GPC5: variants seen among roughly 807,000 people sequenced by gnomAD.
GPC5 encodes glypican 5, also known as glypican-5.
A neutral mutation model predicts 53.9 loss-of-function variants in GPC5; 47 were observed. The observed-to-expected ratio is 0.87, with a 90% CI of 0.69 to 1.11. GPC5 has a LOEUF of 1.11. Ranked by LOEUF, GPC5 falls within the 50% of genes most tolerant of loss-of-function variation. The pLI is 0.00. For synonymous variants in GPC5, 286 were observed against 263.3 expected (o/e 1.09, Z -0.84); for missense variants, 748 against 713.1 (o/e 1.05, Z -0.56).
At position 91,876,855 on chromosome 13, in the gene GPC5, A is replaced by T. The variant is rs1459625295; in HGVS notation, c.1281-31082A>T. On this transcript the variant is annotated intron_variant, in intron 5 of 7. Coordinates refer to ENST00000377067, the MANE Select transcript of GPC5 (RefSeq NM_004466.6). ...CAGCAGCCCCTCCCATCACAGGCCCAGAAGGCCCCAGAGGAAAAAGTAGTT... is the reference window on the plus strand; with the variant it reads ...CAGCAGCCCCTCCCATCACAGGCCCTGAAGGCCCCAGAGGAAAAAGTAGTT... 3.3e-5 allele frequency among the ~76,000 whole-genome samples: 5 copies of T among 152,316 alleles called. No homozygotes were observed. In the Middle Eastern group the frequency reaches 0.014, roughly 414 times the overall value.
intron 7 of GPC5, among the ~76,000 whole-genome samples, chr13:92,774,290 A>G (rs1254045085): frequency 6.6e-6 from 1 of 152,218 alleles, no homozygotes; most frequent in African/African-American, 2.4e-5. Flanking sequence ...CACCTGTTAT[A>G]AGCATCTCAT....
At chr13:91,678,118 A>G (rs2035425060) in intron 2 of GPC5, among the ~76,000 whole-genome samples, 1 of 152,228 alleles carries the variant, frequency 6.6e-6, no homozygotes, top group Non-Finnish European at 1.5e-5. Flanking sequence ...GTCAAAGTAG[A>G]AACAGTATAT....
At chr13:92,621,602 C>T (rs954722787) in intron 7 of GPC5, among the ~76,000 whole-genome samples, 1 of 152,020 alleles carries the variant, frequency 6.6e-6, no homozygotes, top group African/African-American at 2.4e-5. Flanking sequence ...GGGGGATCAC[C>T]TGTGGTCAAG....
rs71202561 is a variant in GPC5 at position 92,777,335 on chromosome 13, C to CAAAA, written c.1562-88932_1562-88929dup. 6.2e-3 allele frequency among the ~76,000 whole-genome samples: 392 copies of CAAAA among 63,392 alleles called. 10 individuals are homozygous for CAAAA. Among genetic ancestry groups the CAAAA allele is most frequent in the African/African-American group, 0.02 (314 of 15,664 alleles). The allele number at this position is 63,392 out of a possible 152,430, so 41.6% of individuals were successfully genotyped here. A position where few individuals can be genotyped will look rare whatever the true frequency, so the allele number is the denominator to read the frequency against. ...TGGGCAATAGAGGGAGACTCCATCT[C>CAAAA]AAAAAAAAAAAAAAAAAAGCCAGGC... On this transcript the variant is annotated intron_variant, in intron 7 of 7. Coordinates refer to ENST00000377067, the MANE Select transcript of GPC5 (RefSeq NM_004466.6).
At chr13:91,643,051 T>G (rs1363065161) in intron 2 of GPC5, among the ~76,000 whole-genome samples, 2 of 152,100 alleles carry the variant, frequency 1.3e-5, no homozygotes, top group Non-Finnish European at 2.9e-5. Flanking sequence ...TCTTATGGTG[T>G]TCGGTTATTT....
At chr13:91,639,594 A>AT (rs1305520738) in intron 2 of GPC5, among the ~76,000 whole-genome samples, 2 of 152,030 alleles carry the variant, frequency 1.3e-5, no homozygotes, top group Non-Finnish European at 2.9e-5. Flanking sequence ...TCCTTCACGG[A>AT]TTTTTTTCTA....
intron 6 of GPC5, among the ~76,000 whole-genome samples, chr13:91,973,706 G>T (rs2040267483): frequency 6.6e-6 from 1 of 152,172 alleles, no homozygotes; most frequent in African/African-American, 2.4e-5. Context: ...TCAGCTGCAG[G>T]TCTGTTGGAG....
intron 5 of GPC5, among the ~76,000 whole-genome samples, chr13:91,817,360 A>G (rs1172383195): frequency 2.0e-5 from 3 of 152,210 alleles, no homozygotes; most frequent in Admixed American, 6.6e-5. Flanking sequence ...ATCTTTTGGA[A>G]TCCTTCCTTA....
intron 2 of GPC5, among the ~76,000 whole-genome samples, chr13:91,523,681 A>G (rs934039267): frequency 6.6e-5 from 10 of 152,208 alleles, no homozygotes; most frequent in Non-Finnish European, 1.3e-4. Context: ...ACTACATTGT[A>G]TACTTGACAT....
chr13:91,422,271 T>G (rs11069997), intron 1 of GPC5, among the ~76,000 whole-genome samples: 79,090 of 152,048 alleles, frequency 0.52, 20,887 homozygotes, highest in East Asian at 0.72. Context: ...AGTATTTTAC[T>G]CTTAAATATA....
At chr13:91,810,149 C>T (rs1505564) in intron 5 of GPC5, among the ~76,000 whole-genome samples, 49,549 of 151,612 alleles carry the variant, frequency 0.33, 9,531 homozygotes, top group East Asian at 0.64. Flanking sequence ...TTAATTAGTG[C>T]GATATCAGAA....
chr13:92,390,880 A>G (rs993235335), intron 7 of GPC5, among the ~76,000 whole-genome samples: 1 of 152,146 alleles, frequency 6.6e-6, no homozygotes, highest in Non-Finnish European at 1.5e-5. Context: ...CCTGGCATAT[A>G]TTTAGGGCTT....
intron 5 of GPC5, among the ~76,000 whole-genome samples, chr13:91,805,961 G>A (rs934443087): frequency 5.0e-5 from 7 of 141,400 alleles, no homozygotes; most frequent in Non-Finnish European, 1.1e-4. Flanking sequence ...ATGTGGAAAA[G>A]TTTCTACTGA....
intron 7 of GPC5, among the ~76,000 whole-genome samples, chr13:92,195,635 C>T (rs2042251675): frequency 6.6e-6 from 1 of 152,148 alleles, no homozygotes; most frequent in Admixed American, 6.6e-5. Context: ...GAATAAACCA[C>T]TGATTTAGAA....
intron 7 of GPC5, among the ~76,000 whole-genome samples, chr13:92,418,294 G>A (rs1010151973): frequency 2.0e-5 from 3 of 152,098 alleles, no homozygotes; most frequent in Non-Finnish European, 4.4e-5. Context: ...CTTCAATTGT[G>A]AGAATTATAT....
chr13:91,445,883 A>G (rs1183047112), intron 1 of GPC5, among the ~76,000 whole-genome samples: 1 of 152,174 alleles, frequency 6.6e-6, no homozygotes, highest in Non-Finnish European at 1.5e-5. Context: ...ATGGGGAGCT[A>G]CTGTATTCTC....
intron 7 of GPC5, among the ~76,000 whole-genome samples, chr13:92,336,690 T>A (rs2043325870): frequency 6.6e-6 from 1 of 152,182 alleles, no homozygotes; most frequent in South Asian, 2.1e-4. Context: ...TAATGGTATA[T>A]AGTGATGAAA....
Position 92,045,175 on chromosome 13 carries a change from G to C in GPC5, c.1402-99655G>C, listed in dbSNP as rs141318167. Among the ~76,000 whole-genome samples, 942 of 152,212 alleles carry C rather than the reference G, an allele frequency of 6.2e-3. 6 individuals carry two copies. Among genetic ancestry groups the C allele is most frequent in the Non-Finnish European group, 0.01 (713 of 68,000 alleles). On this transcript the variant is annotated intron_variant, in intron 6 of 7. Transcript: ENST00000377067. The stretch of plus-strand genomic sequence containing the variant: ...CAGTTGAATGACTGAATACTTCCCT[G>C]CATAAAATTTAGCCCGTTCTGTTTG...
chr13:91,426,055 C>T (rs1235970778), intron 1 of GPC5, among the ~76,000 whole-genome samples: 1 of 152,058 alleles, frequency 6.6e-6, no homozygotes, highest in East Asian at 1.9e-4. Flanking sequence ...GAAATTGAAA[C>T]TTATCTTTAA....
Sources: gnomAD v4.1 joint callset for allele counts (sites outside exome capture counted in the v4.1 genomes callset) on GRCh38, gnomAD v4.1.1 for gene constraint, MANE v1.5 for transcripts, NCBI Gene and HGNC (gene_info 2026-07-23, HGNC 2026-07-21) for gene names.